The following PFKP variants were observed in gnomAD, a reference collection of about 807,000 sequenced individuals.
PFKP encodes the protein phosphofructokinase, platelet, also known as ATP-dependent 6-phosphofructokinase, platelet type.
Under a neutral mutation model 94.3 loss-of-function variants are expected in PFKP, and 101 were observed. That is an observed-to-expected ratio of 1.07 (90% CI 0.91 to 1.26). The LOEUF is 1.26. PFKP is among the 50% of genes most tolerant of loss of function. PFKP has a pLI of 0.00. For missense variants in PFKP, 1,145 were observed against 1,103.3 expected, an observed-to-expected ratio of 1.04 and a Z score of -0.53; for synonymous variants, 573 against 432.6, an observed-to-expected ratio of 1.32 and a Z score of -4.03.
At chr10:3,090,080 T>G (rs929023622) in intron 2 of PFKP, among the ~76,000 whole-genome samples, 11 of 152,366 alleles carry the variant, frequency 7.2e-5, no homozygotes, top group Admixed American at 5.9e-4. Flanking sequence ...ATTCATTCTT[T>G]TTTATTGGCT....
intron 3 of PFKP, chr10:3,101,062 C>A: frequency 1.5e-6 from 2 of 1,354,750 alleles, no homozygotes; most frequent in Non-Finnish European, 2.1e-6. Context: ...GGTGCTGAGG[C>A]GGCTGCTGTG....
At chr10:3,104,518 C>T (rs1415236185) in intron 5 of PFKP, among the ~76,000 whole-genome samples, 1 of 152,198 alleles carries the variant, frequency 6.6e-6, no homozygotes, top group Non-Finnish European at 1.5e-5. Flanking sequence ...GAATCCAGTC[C>T]CCAGCATGGC....
At chr10:3,131,194 A>C (rs1838546744) in intron 17 of PFKP, among the ~76,000 whole-genome samples, 2 of 152,178 alleles carry the variant, frequency 1.3e-5, no homozygotes, top group Non-Finnish European at 2.9e-5. Context: ...TTAGATACAC[A>C]ATTGCCTGCA....
chr10:3,067,624 A>T lies in PFKP; in HGVS notation c.29A>T (p.Lys10Met), dbSNP rs1472867073. 2 of 1,532,780 alleles carry T rather than the reference A, an allele frequency of 1.3e-6. No homozygotes were observed. 94.9% of individuals were successfully genotyped at this position (1,532,780 alleles called of 1,614,324 possible). The change falls in exon 1 of 22, where the codon AAG becomes ATG. Residue 10 changes from lysine (K) to methionine (M), a missense_variant. Physicochemically the swap from Lys to Met is moderately conservative, Grantham distance 95 (BLOSUM62 -1). Transcript: ENST00000381125. Reference sequence around the variant, plus strand: ...GACGCGGACGACTCCCGGGCCCCCAAGGGCTCCTTGCGGAAGTTCCTGGAG... The same window carrying T: ...GACGCGGACGACTCCCGGGCCCCCATGGGCTCCTTGCGGAAGTTCCTGGAG... MDADDSRAPKGSLRKFLEHL... is the reference protein window; with the variant it reads MDADDSRAPMGSLRKFLEHL...
intron 3 of PFKP, chr10:3,100,862 CAA>C (rs71294492): frequency 0.013 from 8,298 of 648,374 alleles, no homozygotes; most frequent in East Asian, 0.023. Context: ...GTATGTGGTG[CAA>C]AAAAAAAAAA....
At chr10:3,108,311 T>C (rs1310422037) in intron 8 of PFKP, among the ~76,000 whole-genome samples, 1 of 152,258 alleles carries the variant, frequency 6.6e-6, no homozygotes, top group Non-Finnish European at 1.5e-5. Context: ...TGGCTTGTGC[T>C]GTTCAAATCA....
chr10:3,101,731 G>A (rs950836161), intron 4 of PFKP, among the ~76,000 whole-genome samples, 177 bp downstream of exon 4: 3 of 152,236 alleles, frequency 2.0e-5, no homozygotes, highest in African/African-American at 7.2e-5. Context: ...AAGAATGCTA[G>A]TAATTTAACC....
At chr10:3,082,912 C>A (rs1030608465) in intron 2 of PFKP, among the ~76,000 whole-genome samples, 6 of 152,066 alleles carry the variant, frequency 3.9e-5, no homozygotes, top group African/African-American at 1.4e-4. Flanking sequence ...GGGGTCTCAC[C>A]ATGTTGGCCA....
At chr10:3,126,756 C>T (rs1448195202) in intron 16 of PFKP, among the ~76,000 whole-genome samples, 1 of 152,278 alleles carries the variant, frequency 6.6e-6, no homozygotes, top group African/African-American at 2.4e-5. Context: ...TTTCTTAACA[C>T]CCATGGAGCA....
rs745506929 is a variant in PFKP, at chr10:3,135,803, A to G, written c.2190A>G (p.Gln730=). 8 of 1,613,634 alleles carry G rather than the reference A, an allele frequency of 5.0e-6. No individual in the cohort carries two copies. The highest frequency in any genetic ancestry group is 5.9e-6 in the Non-Finnish European group (7 of 1,179,562). Residue 730 remains glutamine, a synonymous_variant, in exon 21 of 22, where the codon CAA becomes CAG. Transcript: ENST00000381125. ...LGISKRNVIF[Q]PVAELKKQTD... ...TAAGCAAAAGAAACGTTATTTTTCA[A>G]CCTGTGGCAGAGCTGAAGAAGCAAA...
intron 2 of PFKP, among the ~76,000 whole-genome samples, chr10:3,093,801 A>G (rs184726536): frequency 4.4e-4 from 66 of 151,350 alleles, no homozygotes; most frequent in Middle Eastern, 3.4e-3. Context: ...CCGCCACCAC[A>G]CCCGGCTAAT....
intron 2 of PFKP, among the ~76,000 whole-genome samples, chr10:3,098,672 C>CAAAAAAAAAAAAAAAAAAAAAAAAAA (rs5782682): frequency 1.9e-5 from 2 of 107,170 alleles, no homozygotes; most frequent in African/African-American, 7.4e-5. Flanking sequence ...GACTCCGTCT[C>CAAAAAAAAAAAAAAAAAAAAAAAAAA]AAAAAAAAAA....
At chr10:3,102,250 CAAA>C (rs757381364) in intron 4 of PFKP, among the ~76,000 whole-genome samples, 13,219 of 54,116 alleles carry the variant, frequency 0.24, 527 homozygotes, top group South Asian at 0.4. Flanking sequence ...GACTCTGTCT[CAAA>C]AAAAAAAAAA....
intron 1 of PFKP, among the ~76,000 whole-genome samples, chr10:3,079,499 A>G (rs539620178): frequency 6.6e-5 from 10 of 152,080 alleles, no homozygotes; most frequent in Non-Finnish European, 1.3e-4. Flanking sequence ...CTCCCAAAGC[A>G]CTGGGATTAC....
chr10:3,113,309 T>G (rs1249439175), intron 12 of PFKP, 63 bp from the exon 13 acceptor site: 1 of 1,578,802 alleles, frequency 6.3e-7, no homozygotes, highest in African/African-American at 1.3e-5. Context: ...ACTGCCAAAG[T>G]GTGCAGCAAA....
intron 16 of PFKP, among the ~76,000 whole-genome samples, chr10:3,126,404 C>T (rs899496928): frequency 1.3e-5 from 2 of 152,214 alleles, no homozygotes; most frequent in Non-Finnish European, 2.9e-5. Context: ...TGGGTGAATG[C>T]CATTAGGGTC....
chr10:3,131,097 A>G (rs1838532145), intron 17 of PFKP, among the ~76,000 whole-genome samples: 1 of 151,948 alleles, frequency 6.6e-6, no homozygotes, highest in African/African-American at 2.4e-5. Context: ...CTTTTTACAT[A>G]TATTTTTATA....
intron 21 of PFKP, among the ~76,000 whole-genome samples, chr10:3,136,107 TACAAAAA>T: frequency 6.6e-6 from 1 of 151,986 alleles, no homozygotes; most frequent in East Asian, 1.9e-4. Flanking sequence ...CTACTAAAAA[TACAAAAA>T]TGAGCCAGGC....
chr10:3,093,294 G>A (rs1052165131), intron 2 of PFKP, among the ~76,000 whole-genome samples: 6 of 151,792 alleles, frequency 4.0e-5, no homozygotes, highest in African/African-American at 1.2e-4. Flanking sequence ...TCCACATCCC[G>A]TTCAGTCACA....
Sources: allele counts gnomAD v4.1 joint callset (sites outside exome capture counted in the v4.1 genomes callset), GRCh38; gene constraint gnomAD v4.1.1; transcripts MANE v1.5; gene names NCBI Gene and HGNC (gene_info 2026-07-23, HGNC 2026-07-21).